Variants in PARP16 observed in about 807,000 individuals in gnomAD.
The protein encoded by PARP16 is protein mono-ADP-ribosyltransferase PARP16.
PARP16 carries 31 observed loss-of-function variants against 35.0 expected under a neutral mutation model. That is an observed-to-expected ratio of 0.88 (90% CI 0.66 to 1.19). The LOEUF is 1.19. Ranked by LOEUF, PARP16 falls within the 50% of genes most tolerant of loss-of-function variation. The pLI, the probability that PARP16 is intolerant of heterozygous loss-of-function variation, is 0.00. For missense variants in PARP16, 424 were observed against 411.2 expected (o/e 1.03, Z -0.27); for synonymous variants, 162 against 169.5 (o/e 0.96, Z 0.34).
chr15:65,241,744 ATTC>A lies in PARP16; in HGVS notation c.*97+6370_*97+6372del, dbSNP rs542934009. On this transcript the variant is annotated intron_variant and NMD_transcript_variant, in intron 3 of 3. Transcript: ENST00000559805. Reference sequence around the variant, plus strand: ...TATGTATTCTAGATACAAATCATTTATTCTTCATATATTCTAAGTATATAAGGA... The same window carrying A: ...TATGTATTCTAGATACAAATCATTTATTCATATATTCTAAGTATATAAGGA... Among the ~76,000 whole-genome samples the A allele has an allele frequency of 3.4e-4, 52 of 152,248 alleles. 1 individual carries two copies. In the South Asian group the frequency reaches 0.011, roughly 31 times the overall value.
intron 2 of PARP16, among the ~76,000 whole-genome samples, chr15:65,251,380 C>T (rs545986067): frequency 1.2e-4 from 19 of 152,270 alleles, no homozygotes; most frequent in Admixed American, 2.6e-4. Context: ...GTTTATTCCC[C>T]GTTAAGACCC....
Position 65,259,330 on chromosome 15 carries a change from C to A in PARP16, c.*77G>T. 6.7e-7 allele frequency: 1 copy of A among 1,482,538 alleles called. No individual in the cohort carries two copies. Among genetic ancestry groups the A allele is most frequent in the Non-Finnish European group, 9.4e-7 (1 of 1,068,852 alleles). The allele number at this position is 1,482,538 out of a possible 1,614,324, so 91.8% of individuals were successfully genotyped here. ...GGCCCCTAGGCTCAACCTGGCTGGACATGAGGCATAGGAGGTACAGAACAA... is the reference window on the plus strand; with the variant it reads ...GGCCCCTAGGCTCAACCTGGCTGGAAATGAGGCATAGGAGGTACAGAACAA... On this transcript the variant is annotated 3_prime_UTR_variant, in exon 6 of 6. Transcript: ENST00000649807.
At position 65,286,235 on chromosome 15, in the gene PARP16, A is replaced by T. The variant is rs761276907; in HGVS notation, c.174+18T>A. The T allele has an allele frequency of 1.6e-5, 24 of 1,538,606 alleles. No individual in the cohort carries two copies. The highest frequency in any genetic ancestry group is 2.0e-5 in the Admixed American group (1 of 49,140). ...GGTCCAGGACGCAGTGGGCAGCGCC[A>T]GGACAAAGCACACTCACCAGGGCTT... On this transcript the variant is annotated intron_variant, in intron 1 of 5. Coordinates refer to ENST00000649807, the MANE Select transcript of PARP16 (RefSeq NM_001316943.2).
At chr15:65,259,927 A>G (rs965384799) in intron 5 of PARP16, among the ~76,000 whole-genome samples, 4 of 152,202 alleles carry the variant, frequency 2.6e-5, no homozygotes, top group Non-Finnish European at 5.9e-5. Flanking sequence ...ACACATGCAG[A>G]TATAAATCCA....
chr15:65,281,983 C>G (rs1447988810), intron 1 of PARP16, among the ~76,000 whole-genome samples: 1 of 152,212 alleles, frequency 6.6e-6, no homozygotes, highest in African/African-American at 2.4e-5. Context: ...TTTCACATTA[C>G]TTCCTAGTGC....
downstream of PARP16, among the ~76,000 whole-genome samples, chr15:65,256,353 G>A (rs1184326035): frequency 6.6e-6 from 1 of 150,654 alleles, no homozygotes; most frequent in Non-Finnish European, 1.5e-5. Context: ...TCTAAAAACC[G>A]TATCTCATCA....
downstream of PARP16, among the ~76,000 whole-genome samples, chr15:65,253,253 C>G (rs553776652): frequency 4.6e-5 from 7 of 152,204 alleles, no homozygotes; most frequent in South Asian, 1.5e-3. Flanking sequence ...ATTCAAGCAA[C>G]AAATGTCCAC....
rs35683940 is a variant in PARP16 at position 65,284,811 on chromosome 15, C to CTTTTTTTT, written c.174+1434_174+1441dup. Among the ~76,000 whole-genome samples the CTTTTTTTT allele has an allele frequency of 4.2e-5, 3 of 72,216 alleles. 1 individual carries two copies. Among genetic ancestry groups the CTTTTTTTT allele is most frequent in the Non-Finnish European group, 5.1e-5 (2 of 39,300 alleles). 47.4% of individuals were successfully genotyped at this position (72,216 alleles called of 152,430 possible). A position where few individuals can be genotyped will look rare whatever the true frequency, so the allele number is the denominator to read the frequency against. On this transcript the variant is annotated intron_variant, in intron 1 of 5. Coordinates refer to ENST00000649807, the MANE Select transcript of PARP16 (RefSeq NM_001316943.2). ...AAATCCTTGACTACTAATCCAACGT[C>CTTTTTTTT]TTTTTTTTTTTTTTTTTTTTTTTTG... is the stretch of plus-strand genomic sequence containing the variant.
chr15:65,281,763 T>C (rs775431608), intron 1 of PARP16, among the ~76,000 whole-genome samples: 11 of 151,792 alleles, frequency 7.2e-5, no homozygotes, highest in Admixed American at 2.0e-4. Context: ...CAGGGATAAT[T>C]TGGGACTTTG....
chr15:65,265,791 A>G (rs2089869149), intron 3 of PARP16, among the ~76,000 whole-genome samples: 1 of 152,242 alleles, frequency 6.6e-6, no homozygotes, highest in South Asian at 2.1e-4. Flanking sequence ...GGGAACGCAC[A>G]GTGGAGCTAG....
At chr15:65,271,488 T>C (rs1050019019) in intron 1 of PARP16, among the ~76,000 whole-genome samples, 2 of 152,106 alleles carry the variant, frequency 1.3e-5, no homozygotes, top group African/African-American at 4.8e-5. Flanking sequence ...TTGGCCAGCC[T>C]GGTCTCGAGC....
chr15:65,241,000 T>C (rs990961355), intron 3 of PARP16, among the ~76,000 whole-genome samples: 6 of 151,684 alleles, frequency 4.0e-5, no homozygotes, highest in Non-Finnish European at 7.4e-5. Flanking sequence ...ACCTGGATAA[T>C]TTTTTGTATT....
chr15:65,265,615 G>C (rs1019818787), intron 3 of PARP16, among the ~76,000 whole-genome samples: 4 of 152,140 alleles, frequency 2.6e-5, no homozygotes, highest in African/African-American at 7.2e-5. Context: ...GTTTCTCCAA[G>C]GGCTGATTTC....
At chr15:65,242,918 C>G (rs1035905021) in intron 3 of PARP16, among the ~76,000 whole-genome samples, 1 of 151,890 alleles carries the variant, frequency 6.6e-6, no homozygotes, top group African/African-American at 2.4e-5. Context: ...TTTCACCATG[C>G]TGGCCAGGCT....
intron 2 of PARP16, among the ~76,000 whole-genome samples, chr15:65,248,796 C>T (rs2089281920): frequency 6.6e-6 from 1 of 152,198 alleles, no homozygotes; most frequent in Non-Finnish European, 1.5e-5. Context: ...GCTCTTCCTC[C>T]TCCCCCACAG....
At chr15:65,252,766 T>C (rs1241141487) in intron 2 of PARP16, among the ~76,000 whole-genome samples, 3 of 152,168 alleles carry the variant, frequency 2.0e-5, no homozygotes, top group African/African-American at 7.2e-5. Context: ...TATCAGTCAT[T>C]TGCACATGTG....
chr15:65,256,524 G>A (rs565373487), downstream of PARP16, among the ~76,000 whole-genome samples: 4 of 149,300 alleles, frequency 2.7e-5, no homozygotes, highest in South Asian at 2.1e-4. Context: ...TCTCCTGCCT[G>A]AGCCTCCCGA....
intron 1 of PARP16, chr15:65,282,729 A>G (rs1270663184): frequency 2.0e-5 from 3 of 152,046 alleles, no homozygotes; most frequent in Admixed American, 1.3e-4. Flanking sequence ...GGTACAATAA[A>G]CCCCATGGGA....
Position 65,286,295 on chromosome 15 carries a change from G to A in PARP16, c.132C>T (p.Pro44=). Residue 44 remains proline (P), a synonymous_variant, in exon 1 of 6, where the codon CCC becomes CCT. Transcript: ENST00000649807. ...YKRDSVLRPF[P]ASYARGDCKD... is the part of the protein sequence containing the mutation. ...TACAGTCGCCGCGGGCGTAGGACGCGGGGAAGGGCCGCAGCACCGAGTCGC... is the reference window on the plus strand; with the variant it reads ...TACAGTCGCCGCGGGCGTAGGACGCAGGGAAGGGCCGCAGCACCGAGTCGC... 1 of 1,601,450 alleles carries A rather than the reference G, an allele frequency of 6.2e-7. No homozygotes were observed.
Sources: allele counts gnomAD v4.1 joint callset (sites outside exome capture counted in the v4.1 genomes callset), GRCh38; gene constraint gnomAD v4.1.1; transcripts MANE v1.5; gene names NCBI Gene and HGNC (gene_info 2026-07-23, HGNC 2026-07-21).